TMEM9: variants seen among roughly 807,000 people sequenced by gnomAD.
The protein encoded by TMEM9 is transmembrane protein 9, also known as proton-transporting V-type ATPase complex assembly regulator TMEM9.
Under a neutral mutation model 22.8 loss-of-function variants are expected in TMEM9, and 13 were observed. The observed-to-expected ratio is 0.57, with a 90% CI of 0.37 to 0.91. The LOEUF is 0.91. Among genes scored for constraint, TMEM9 ranks in the 40% least tolerant of loss-of-function variants. The probability of loss-of-function intolerance (pLI) is 0.01; values close to 1 mark genes in which losing one functional copy is unlikely to be tolerated. For missense variants in TMEM9, 182 were observed against 238.1 expected, an observed-to-expected ratio of 0.76 and a Z score of 1.55; for synonymous variants, 88 against 93.0, an observed-to-expected ratio of 0.95 and a Z score of 0.31.
At chr1:201,167,054 T>C (rs1417974253) in intron 1 of TMEM9, among the ~76,000 whole-genome samples, 1 of 152,082 alleles carries the variant, frequency 6.6e-6, no homozygotes, top group Non-Finnish European at 1.5e-5. Flanking sequence ...TGTATTTTTT[T>C]ATTTTTTAAA....
At position 201,154,309 on chromosome 1, in the gene TMEM9, CT is replaced by C; in HGVS notation, c.-387del. 5.2e-6 allele frequency: 1 copy of C among 193,714 alleles called. No homozygotes were observed. 12.0% of individuals were successfully genotyped at this position (193,714 alleles called of 1,614,324 possible). ...CCTCCCCGCTCGGGCCCGACGGGAA[CT>C]TTTGGGTGCGAGTCTGGGACCCCTG... On this transcript the variant is annotated 5_prime_UTR_variant, in exon 1 of 5. Transcript: ENST00000367330.
intron 2 of TMEM9, among the ~76,000 whole-genome samples, chr1:201,150,576 G>A (rs943515902): frequency 2.0e-5 from 3 of 152,166 alleles, no homozygotes; most frequent in African/African-American, 4.8e-5. Context: ...AAGCAGCTAA[G>A]CTAAATTTGA....
chr1:201,169,263 A>C (rs1268839792), intron 1 of TMEM9, among the ~76,000 whole-genome samples: 1 of 152,226 alleles, frequency 6.6e-6, no homozygotes, highest in Non-Finnish European at 1.5e-5. Context: ...TGAGAGGGAC[A>C]GGTAAAAGTA....
intron 1 of TMEM9, among the ~76,000 whole-genome samples, chr1:201,165,995 G>A (rs943790823): frequency 3.3e-5 from 5 of 152,116 alleles, no homozygotes; most frequent in Admixed American, 6.6e-5. Flanking sequence ...TTCTGCGACC[G>A]ACTTATCACC....
chr1:201,159,716 T>G (rs1488615395), intron 1 of TMEM9, among the ~76,000 whole-genome samples: 2 of 152,168 alleles, frequency 1.3e-5, no homozygotes, highest in African/African-American at 2.4e-5. Flanking sequence ...CTGTCTGAAT[T>G]ACATTTTAAT....
chr1:201,139,979 G>A (rs1664378992), intron 4 of TMEM9, among the ~76,000 whole-genome samples: 1 of 152,210 alleles, frequency 6.6e-6, no homozygotes, highest in Non-Finnish European at 1.5e-5. Context: ...CCTCAGGGGA[G>A]GAGGCCGACT....
upstream of TMEM9, among the ~76,000 whole-genome samples, chr1:201,157,872 G>A (rs941079116): frequency 6.6e-6 from 1 of 152,140 alleles, no homozygotes; most frequent in Non-Finnish European, 1.5e-5. Context: ...CAGAGTGGTG[G>A]GCAGAACAAT....
chr1:201,141,363 T>C (rs114702962), intron 4 of TMEM9, among the ~76,000 whole-genome samples: 1,817 of 151,898 alleles, frequency 0.012, 32 homozygotes, highest in African/African-American at 0.042. Context: ...AAAAGCAGAG[T>C]TGCTGAACCA....
At chr1:201,159,261 G>T (rs1199111508), upstream of TMEM9, among the ~76,000 whole-genome samples, 1 of 152,194 alleles carries the variant, frequency 6.6e-6, no homozygotes, top group Non-Finnish European at 1.5e-5. Flanking sequence ...ACAGATGGCA[G>T]GTCAGGTGCC....
chr1:201,140,720 C>T (rs1664451251), intron 4 of TMEM9, among the ~76,000 whole-genome samples: 1 of 152,180 alleles, frequency 6.6e-6, no homozygotes, highest in South Asian at 2.1e-4. Context: ...CCTGAAAGCT[C>T]CTGGAGCCTA....
At chr1:201,165,023 T>G (rs1282206438) in intron 1 of TMEM9, among the ~76,000 whole-genome samples, 1 of 151,736 alleles carries the variant, frequency 6.6e-6, no homozygotes, top group Non-Finnish European at 1.5e-5. Flanking sequence ...AAAAACAGAT[T>G]GTTTGCTTGT....
Position 201,135,445 on chromosome 1 carries a change from G to T in TMEM9, c.*218C>A. The T allele has an allele frequency of 2.2e-6, 1 of 446,036 alleles. No individual in the cohort carries two copies. Among genetic ancestry groups the T allele is most frequent in the Non-Finnish European group, 3.8e-6 (1 of 259,904 alleles). The allele number at this position is 446,036 out of a possible 1,614,324, so 27.6% of individuals were successfully genotyped here. Reference sequence around the variant, plus strand: ...CCTTCCCCCTCCCTTCAACCCCAAAGACCCAAGAAGACAACAGAGATCAGA... The same window carrying T: ...CCTTCCCCCTCCCTTCAACCCCAAATACCCAAGAAGACAACAGAGATCAGA... On this transcript the variant is annotated 3_prime_UTR_variant, in exon 5 of 5. Coordinates refer to ENST00000367330, the MANE Select transcript of TMEM9 (RefSeq NM_001288565.2).
At chr1:201,166,460 T>G (rs778773055) in intron 1 of TMEM9, among the ~76,000 whole-genome samples, 1 of 151,944 alleles carries the variant, frequency 6.6e-6, no homozygotes, top group Non-Finnish European at 1.5e-5. Flanking sequence ...CCTCCTGGGT[T>G]CAAGCAATTC....
At chr1:201,150,690 G>A (rs1311220176) in intron 2 of TMEM9, among the ~76,000 whole-genome samples, 3 of 152,142 alleles carry the variant, frequency 2.0e-5, no homozygotes, top group African/African-American at 7.2e-5. Flanking sequence ...CAAAATTCTC[G>A]AGTGTTGCTC....
chr1:201,138,129 T>G lies in TMEM9; in HGVS notation c.400-2314A>C, dbSNP rs551754577. 8.8e-4 allele frequency among the ~76,000 whole-genome samples: 134 copies of G among 152,028 alleles called. 2 individuals carry two copies. Among genetic ancestry groups the G allele is most frequent in the African/African-American group, 3.0e-3 (124 of 41,448 alleles). Reference sequence around the variant, plus strand: ...TCATGACAGGGCTCCAGTGTGTGTGTGGGGTGGGGTGCTACGCTTGGAAGG... The same window carrying G: ...TCATGACAGGGCTCCAGTGTGTGTGGGGGGTGGGGTGCTACGCTTGGAAGG... On this transcript the variant is annotated intron_variant, in intron 4 of 4. Coordinates refer to ENST00000367330, the MANE Select transcript of TMEM9 (RefSeq NM_001288565.2).
intron 2 of TMEM9, among the ~76,000 whole-genome samples, chr1:201,147,201 C>T (rs974541031): frequency 6.6e-6 from 1 of 152,152 alleles, no homozygotes; most frequent in South Asian, 2.1e-4. Flanking sequence ...CAGAAGCTGA[C>T]GGATCTTAGA....
chr1:201,143,595 C>A (rs1235031851), intron 4 of TMEM9, among the ~76,000 whole-genome samples: 2 of 152,224 alleles, frequency 1.3e-5, no homozygotes, highest in Non-Finnish European at 2.9e-5. Context: ...ACATGGCTCC[C>A]CCGGCTTGTA....
chr1:201,145,138 G>A (rs1473554989), intron 3 of TMEM9: 1 of 152,502 alleles, frequency 6.6e-6, no homozygotes, highest in South Asian at 2.1e-4. Flanking sequence ...AAGGAGAACA[G>A]AGGCTGGGTC....
At chr1:201,155,617 G>A (rs953456267), upstream of TMEM9, among the ~76,000 whole-genome samples, 1 of 152,148 alleles carries the variant, frequency 6.6e-6, no homozygotes, top group Admixed American at 6.5e-5. Context: ...AGGGGGCAGG[G>A]GCAGGAGGCC....
Sources: gnomAD v4.1 joint callset for allele counts (sites outside exome capture counted in the v4.1 genomes callset) on GRCh38, gnomAD v4.1.1 for gene constraint, MANE v1.5 for transcripts, NCBI Gene and HGNC (gene_info 2026-07-23, HGNC 2026-07-21) for gene names.